ZCCHC7: variants seen among roughly 807,000 people sequenced by gnomAD.
ZCCHC7 encodes zinc finger CCHC-type containing 7.
A neutral mutation model predicts 52.0 loss-of-function variants in ZCCHC7; 35 were observed. That is an observed-to-expected ratio of 0.67 (90% CI 0.51 to 0.89). The LOEUF is 0.89. ZCCHC7 is among the 40% of genes least tolerant of loss of function. The pLI is 0.00. For synonymous variants in ZCCHC7, 217 were observed against 221.5 expected (o/e 0.98, Z 0.18); for missense variants, 574 against 649.1 (o/e 0.88, Z 1.26).
intron 2 of ZCCHC7, among the ~76,000 whole-genome samples, chr9:37,144,131 T>G (rs971458219): frequency 7.2e-5 from 11 of 151,890 alleles, no homozygotes; most frequent in African/African-American, 2.7e-4. Flanking sequence ...ATTGGCTTAC[T>G]TACATTTTCA....
chr9:37,247,011 A>G (rs938056001), intron 2 of ZCCHC7, among the ~76,000 whole-genome samples: 1 of 152,194 alleles, frequency 6.6e-6, no homozygotes, highest in African/African-American at 2.4e-5. Context: ...ACCATGTTGT[A>G]CAACAGATAT....
At chr9:37,186,802 T>C (rs2133077449) in intron 2 of ZCCHC7, 1 of 439,656 alleles carries the variant, frequency 2.3e-6, no homozygotes, top group Non-Finnish European at 4.4e-6. Context: ...ACATGGGGGA[T>C]GATTTTGGCA....
At chr9:37,216,446 G>A (rs761737105) in intron 2 of ZCCHC7, among the ~76,000 whole-genome samples, 3 of 152,152 alleles carry the variant, frequency 2.0e-5, no homozygotes, top group Admixed American at 2.0e-4. Flanking sequence ...AGGCCGAGGT[G>A]GGCGGATCAC....
At chr9:37,220,411 G>A (rs1183296476) in intron 2 of ZCCHC7, among the ~76,000 whole-genome samples, 1 of 152,088 alleles carries the variant, frequency 6.6e-6, no homozygotes, top group Non-Finnish European at 1.5e-5. Context: ...GTATGGTGGT[G>A]CATGTCTGTA....
rs34589957 is a variant in ZCCHC7, at chr9:37,130,334, CTTTTTTTTTTTTTTTT to C, written c.610+3407_610+3422del. On this transcript the variant is annotated intron_variant, in intron 2 of 8. Coordinates refer to ENST00000336755, the MANE Select transcript of ZCCHC7 (RefSeq NM_032226.3). ...GCTAAGTAATTTACGGAATTCTCTCCTTTTTTTTTTTTTTTTTTTTTTTTTTTTTTATAGCAGTGGG... is the reference window on the plus strand; with the variant it reads ...GCTAAGTAATTTACGGAATTCTCTCCTTTTTTTTTTTTTTATAGCAGTGGG... 4.1e-3 allele frequency among the ~76,000 whole-genome samples: 262 copies of C among 63,144 alleles called. 1 individual carries two copies. Among genetic ancestry groups the C allele is most frequent in the Middle Eastern group, 0.013 (1 of 78 alleles). 41.4% of individuals were successfully genotyped at this position (63,144 alleles called of 152,430 possible).
intron 2 of ZCCHC7, among the ~76,000 whole-genome samples, chr9:37,224,706 G>T (rs1029874241): frequency 6.6e-6 from 1 of 152,200 alleles, no homozygotes; most frequent in African/African-American, 2.4e-5. Context: ...AGGCCAAGGT[G>T]TCTAGAATTT....
At chr9:37,351,245 A>G (rs1018868890) in intron 7 of ZCCHC7, among the ~76,000 whole-genome samples, 1 of 152,190 alleles carries the variant, frequency 6.6e-6, no homozygotes, top group African/African-American at 2.4e-5. Context: ...TGTGATGTAA[A>G]CAACCCATTT....
intron 6 of ZCCHC7, among the ~76,000 whole-genome samples, chr9:37,330,900 G>T (rs1234718467): frequency 6.6e-6 from 1 of 151,656 alleles, no homozygotes; most frequent in Non-Finnish European, 1.5e-5. Flanking sequence ...ACTAGTAGAG[G>T]CTATGATTTG....
At position 37,289,456 on chromosome 9, in the gene ZCCHC7, C is replaced by T. The variant is rs554063263; in HGVS notation, c.611-12732C>T. 3.3e-5 allele frequency among the ~76,000 whole-genome samples: 5 copies of T among 152,178 alleles called. No homozygotes were observed. The South Asian group carries it at 8.3e-4, about 25-fold the overall frequency. On this transcript the variant is annotated intron_variant, in intron 2 of 8. Transcript: ENST00000336755. ...GAGTCACCACGCCTGGCCTCTTTTA[C>T]TTTCATATCCAGTTCTTCAACAAAT...
chr9:37,268,907 A>C (rs1367745596), intron 2 of ZCCHC7, among the ~76,000 whole-genome samples: 1 of 152,222 alleles, frequency 6.6e-6, no homozygotes, highest in African/African-American at 2.4e-5. Context: ...AGTGACCCAG[A>C]CTGCTATAAG....
chr9:37,123,078 C>T (rs1842388260), intron 1 of ZCCHC7, among the ~76,000 whole-genome samples: 1 of 152,092 alleles, frequency 6.6e-6, no homozygotes, highest in East Asian at 1.9e-4. Context: ...TTTCAGTTTC[C>T]TGATGGGAAG....
chr9:37,207,595 G>T, intron 2 of ZCCHC7, among the ~76,000 whole-genome samples: 1 of 142,292 alleles, frequency 7.0e-6, no homozygotes, highest in Admixed American at 7.3e-5. Flanking sequence ...TAATACATGT[G>T]GTAATCCGTT....
At chr9:37,126,233 T>C (rs1842531589) in intron 1 of ZCCHC7, 79 bp from the exon 2 acceptor site, 1 of 1,324,864 alleles carries the variant, frequency 7.5e-7, no homozygotes, top group Admixed American at 2.3e-5. Flanking sequence ...CAGTTGTCAC[T>C]GACAGGTGAT....
intron 1 of ZCCHC7, among the ~76,000 whole-genome samples, chr9:37,122,668 G>C (rs868412053): frequency 1.3e-5 from 2 of 152,200 alleles, no homozygotes; most frequent in East Asian, 1.9e-4. Context: ...GGCCATGTGC[G>C]GTGGCTCACG....
At chr9:37,253,871 CAT>C (rs1352717466) in intron 2 of ZCCHC7, among the ~76,000 whole-genome samples, 7 of 151,926 alleles carry the variant, frequency 4.6e-5, no homozygotes, top group Non-Finnish European at 8.8e-5. Context: ...ATCCTATCAA[CAT>C]ATATTTTAAG....
chr9:37,179,494 C>T (rs1183330537), intron 2 of ZCCHC7, among the ~76,000 whole-genome samples: 1 of 152,156 alleles, frequency 6.6e-6, no homozygotes, highest in Non-Finnish European at 1.5e-5. Context: ...TGTAACAGAA[C>T]ATTATCTGCT....
rs980583326 is a variant in ZCCHC7 at position 37,347,206 on chromosome 9, G to A, written c.988-2151G>A. On this transcript the variant is annotated intron_variant, in intron 6 of 8. Transcript: ENST00000336755. ...GTCCATCATCTCCTTTCCTCCTCTG[G>A]TTTCAACTTCTCCATCTCCATTATC... Among the ~76,000 whole-genome samples the A allele has an allele frequency of 2.0e-5, 3 of 151,798 alleles. No individual in the cohort carries two copies. In the East Asian group the frequency reaches 5.8e-4, roughly 29 times the overall value.
intron 5 of ZCCHC7, among the ~76,000 whole-genome samples, chr9:37,314,151 G>A (rs1045817483): frequency 6.6e-6 from 1 of 152,242 alleles, no homozygotes; most frequent in Admixed American, 6.5e-5. Context: ...AAGAATAAAT[G>A]TGTAGAAGAT....
chr9:37,268,796 G>T (rs1055740484), intron 2 of ZCCHC7, among the ~76,000 whole-genome samples: 1 of 152,140 alleles, frequency 6.6e-6, no homozygotes, highest in African/African-American at 2.4e-5. Context: ...GTCAATTCTG[G>T]CATTTAATTC....
Sources: gnomAD v4.1 joint callset for allele counts (sites outside exome capture counted in the v4.1 genomes callset) on GRCh38, gnomAD v4.1.1 for gene constraint, MANE v1.5 for transcripts, NCBI Gene and HGNC (gene_info 2026-07-23, HGNC 2026-07-21) for gene names.